RNF150: variants seen among roughly 807,000 people sequenced by gnomAD.
The protein encoded by RNF150 is ring finger protein 150.
Under a neutral mutation model 39.3 loss-of-function variants are expected in RNF150, and 24 were observed. The ratio of observed to expected loss-of-function variants is 0.61; its 90% CI spans 0.44 to 0.86. RNF150 has a LOEUF of 0.86. RNF150 is among the 40% of genes least tolerant of loss of function. The probability of loss-of-function intolerance (pLI) is 0.00; values close to 1 mark genes in which losing one functional copy is unlikely to be tolerated. For synonymous variants in RNF150, 255 were observed against 227.3 expected, an observed-to-expected ratio of 1.12 and a Z score of -1.10; for missense variants, 502 against 587.8, an observed-to-expected ratio of 0.85 and a Z score of 1.51.
At chr4:140,970,329 A>G (rs1009104385) in intron 1 of RNF150, among the ~76,000 whole-genome samples, 2 of 152,112 alleles carry the variant, frequency 1.3e-5, no homozygotes, top group African/African-American at 4.8e-5. Flanking sequence ...AAATTATCAG[A>G]TATATTTGGG....
At chr4:141,057,110 A>ATGTT (rs1427349174) in intron 1 of RNF150, among the ~76,000 whole-genome samples, 1 of 152,108 alleles carries the variant, frequency 6.6e-6, no homozygotes, top group Non-Finnish European at 1.5e-5. Flanking sequence ...CTTGTGAAGC[A>ATGTT]TAAACTGGTG....
At chr4:141,084,419 C>A (rs10007052) in intron 1 of RNF150, among the ~76,000 whole-genome samples, 48,312 of 151,940 alleles carry the variant, frequency 0.32, 8,868 homozygotes, top group East Asian at 0.75. Context: ...AATTCAAAAC[C>A]AAGGTAAATA....
intron 1 of RNF150, among the ~76,000 whole-genome samples, chr4:141,014,067 T>C (rs1735171983): frequency 6.6e-6 from 1 of 152,048 alleles, no homozygotes; most frequent in Admixed American, 6.5e-5. Flanking sequence ...AGATTCCACA[T>C]ATAAGTAAGA....
Position 140,865,748 on chromosome 4 carries a change from T to A in RNF150, c.*2513A>T, listed in dbSNP as rs1728681579. 1 of 152,546 alleles carries A rather than the reference T, an allele frequency of 6.6e-6. No individual in the cohort carries two copies. Among genetic ancestry groups the A allele is most frequent in the Admixed American group, 6.6e-5 (1 of 15,262 alleles). The allele number at this position is 152,546 out of a possible 1,614,324, so 9.4% of individuals were successfully genotyped here. ...CTGTAAGTGCAGCTGTGGCCAGGGC[T>A]TGCATATGCAATCAATTCCTGATTC... On this transcript the variant is annotated 3_prime_UTR_variant, in exon 7 of 7. Coordinates refer to ENST00000515673, the MANE Select transcript of RNF150 (RefSeq NM_020724.2).
chr4:140,907,856 AAAT>A (rs1428881668), intron 6 of RNF150, among the ~76,000 whole-genome samples: 3 of 152,230 alleles, frequency 2.0e-5, no homozygotes, highest in East Asian at 3.8e-4. Context: ...ATGAAGATAA[AAAT>A]AATATTTACC....
At chr4:141,136,519 CT>C (rs1438277050), upstream of RNF150, among the ~76,000 whole-genome samples, 1 of 152,192 alleles carries the variant, frequency 6.6e-6, no homozygotes. Flanking sequence ...CCCTGCTACT[CT>C]TTTTTCCAGT....
chr4:141,185,663 G>T (rs1727994316), intron 1 of RNF150, among the ~76,000 whole-genome samples: 1 of 152,070 alleles, frequency 6.6e-6, no homozygotes. Context: ...ATTGGCTGTG[G>T]GTTTGTCATA....
At chr4:140,988,667 G>T (rs1305583102) in intron 1 of RNF150, among the ~76,000 whole-genome samples, 2 of 148,544 alleles carry the variant, frequency 1.3e-5, no homozygotes, top group South Asian at 4.3e-4. Context: ...ATACCCAAAG[G>T]AATATAAATC....
At position 141,053,660 on chromosome 4, in the gene RNF150, G is replaced by A. The variant is rs1011677391; in HGVS notation, c.484+78665C>T. 7 of 1,363,704 alleles carry A rather than the reference G, an allele frequency of 5.1e-6. No individual in the cohort carries two copies. The Admixed American group carries it at 8.7e-5, about 17-fold the overall frequency. The allele number at this position is 1,363,704 out of a possible 1,614,324, so 84.5% of individuals were successfully genotyped here. ...TGAAGCGTGCATTTTAGAGGCTAAAGCATACCTGAGGAAAGGGAATATGGG... is the reference window on the plus strand; with the variant it reads ...TGAAGCGTGCATTTTAGAGGCTAAAACATACCTGAGGAAAGGGAATATGGG... On this transcript the variant is annotated intron_variant, in intron 1 of 6. Coordinates refer to ENST00000515673, the MANE Select transcript of RNF150 (RefSeq NM_020724.2).
At chr4:141,131,943 A>C (rs1295082212) in intron 1 of RNF150, among the ~76,000 whole-genome samples, 1 of 152,084 alleles carries the variant, frequency 6.6e-6, no homozygotes, top group Non-Finnish European at 1.5e-5. Context: ...CACAGACCCA[A>C]GGGCAGTGCT....
rs76875837 is a variant in RNF150 at position 140,885,085 on chromosome 4, G to A, written c.1199-16706C>T. 3.3e-3 allele frequency among the ~76,000 whole-genome samples: 498 copies of A among 152,062 alleles called. 18 individuals carry two copies. The East Asian group carries it at 0.074, about 23-fold the overall frequency. On this transcript the variant is annotated intron_variant, in intron 6 of 6. Transcript: ENST00000515673. ...AGGAGGATCTGGGGCTTTCTATTAT[G>A]CCATCTTCCTCCTGTCACTTCCAAA...
At chr4:141,183,387 G>C (rs184611585) in intron 1 of RNF150, among the ~76,000 whole-genome samples, 145 of 152,186 alleles carry the variant, frequency 9.5e-4, no homozygotes, top group African/African-American at 3.3e-3. Context: ...CCTTGAATGA[G>C]AGAAAAACCT....
At chr4:140,999,270 C>G (rs1734489332) in intron 1 of RNF150, among the ~76,000 whole-genome samples, 1 of 152,220 alleles carries the variant, frequency 6.6e-6, no homozygotes, top group African/African-American at 2.4e-5. Context: ...CAGTGTCATT[C>G]ATCCCAAAGA....
intron 1 of RNF150, among the ~76,000 whole-genome samples, chr4:140,989,712 T>C (rs1734131507): frequency 1.3e-5 from 2 of 152,086 alleles, no homozygotes; most frequent in South Asian, 2.1e-4. Context: ...AATGTGTAAA[T>C]TGAAGGACCA....
intron 1 of RNF150, among the ~76,000 whole-genome samples, chr4:141,101,805 A>G (rs553942263): frequency 3.3e-5 from 5 of 152,132 alleles, no homozygotes; most frequent in Non-Finnish European, 5.9e-5. Context: ...ATTTTGAGAT[A>G]GAGTCTTGCT....
Position 141,084,186 on chromosome 4 carries a change from C to T in RNF150, c.484+48139G>A, listed in dbSNP as rs773810199. Reference sequence around the variant, plus strand: ...TGACAATATCAGCTTAGCAGATAACCGTTTCCACGACCTTGAGTACTATTA... The same window carrying T: ...TGACAATATCAGCTTAGCAGATAACTGTTTCCACGACCTTGAGTACTATTA... On this transcript the variant is annotated intron_variant, in intron 1 of 6. Coordinates refer to ENST00000515673, the MANE Select transcript of RNF150 (RefSeq NM_020724.2). Among the ~76,000 whole-genome samples the T allele has an allele frequency of 4.1e-4, 63 of 152,244 alleles. 1 individual carries two copies. Among genetic ancestry groups the T allele is most frequent in the Non-Finnish European group, 3.5e-4 (24 of 68,012 alleles).
intron 1 of RNF150, among the ~76,000 whole-genome samples, chr4:141,141,524 A>T (rs1727116786): frequency 1.3e-5 from 2 of 152,198 alleles, no homozygotes; most frequent in South Asian, 4.1e-4. Context: ...TAAGAATAAG[A>T]TTGTGAATGG....
At chr4:141,172,569 C>A (rs374038526) in intron 1 of RNF150, among the ~76,000 whole-genome samples, 2 of 152,092 alleles carry the variant, frequency 1.3e-5, no homozygotes, top group Non-Finnish European at 1.5e-5. Flanking sequence ...GTACCCTGTA[C>A]GAGATATGAC....
intron 4 of RNF150, among the ~76,000 whole-genome samples, chr4:140,932,336 T>C (rs1387258652): frequency 1.3e-5 from 2 of 152,218 alleles, no homozygotes; most frequent in Non-Finnish European, 2.9e-5. Context: ...CTACCAGTTA[T>C]TGTATCCCTA....
Sources: gnomAD v4.1 joint callset for allele counts (sites outside exome capture counted in the v4.1 genomes callset) on GRCh38, gnomAD v4.1.1 for gene constraint, MANE v1.5 for transcripts, NCBI Gene and HGNC (gene_info 2026-07-23, HGNC 2026-07-21) for gene names.